Variants in MALRD1 observed in about 807,000 individuals in gnomAD.
MALRD1 encodes the protein MAM and LDL receptor class A domain containing 1.
MALRD1 carries 247 observed loss-of-function variants against 242.1 expected under a neutral mutation model. The observed-to-expected ratio is 1.02, with a 90% confidence interval of 0.92 to 1.13. The LOEUF (loss-of-function observed/expected upper bound fraction) is 1.13. Among genes scored for constraint, MALRD1 ranks in the 50% most tolerant of loss-of-function variants. MALRD1 has a pLI of 0.00. For synonymous variants in MALRD1, 995 were observed against 866.6 expected, an observed-to-expected ratio of 1.15 and a Z score of -2.60; for missense variants, 2,989 against 2,533.1, an observed-to-expected ratio of 1.18 and a Z score of -3.86.
chr10:19,156,309 T>C (rs1307774007), intron 12 of MALRD1, among the ~76,000 whole-genome samples: 1 of 152,032 alleles, frequency 6.6e-6, no homozygotes, highest in African/African-American at 2.4e-5. Flanking sequence ...TTTTGTTTTT[T>C]TTTTTCTTCC....
chr10:19,445,184 G>GT (rs894515582), intron 28 of MALRD1, among the ~76,000 whole-genome samples: 6 of 152,048 alleles, frequency 3.9e-5, no homozygotes, highest in African/African-American at 1.2e-4. Context: ...TATTTATGCT[G>GT]TTTTTTCTAG....
rs79357357 is a variant in MALRD1, at chr10:19,440,992, C to T, written c.4846-9315C>T. On this transcript the variant is annotated intron_variant, in intron 28 of 39. Coordinates refer to ENST00000454679, the MANE Select transcript of MALRD1 (RefSeq NM_001142308.3). ...AAAAGTGTTCCTTTTTCTCTAGATC[C>T]TCTCCAGCACCTGTTGTTTCCTGAC... Among the ~76,000 whole-genome samples the T allele has an allele frequency of 6.5e-3, 989 of 152,006 alleles. 16 individuals are homozygous for T. Among genetic ancestry groups the T allele is most frequent in the Admixed American group, 0.024 (365 of 15,286 alleles).
At chr10:19,666,975 A>G (rs978684556) in intron 36 of MALRD1, among the ~76,000 whole-genome samples, 2 of 152,068 alleles carry the variant, frequency 1.3e-5, no homozygotes, top group Non-Finnish European at 1.5e-5. Context: ...CAGACACCCT[A>G]GGAGGCCCAG....
At chr10:19,448,771 A>C (rs1835145779) in intron 28 of MALRD1, among the ~76,000 whole-genome samples, 1 of 151,966 alleles carries the variant, frequency 6.6e-6, no homozygotes, top group Non-Finnish European at 1.5e-5. Context: ...AAACAATCAT[A>C]GTTGTTACTT....
rs12254228 is a variant in MALRD1 at position 19,225,799 on chromosome 10, T to G, written c.2991+16119T>G. On this transcript the variant is annotated intron_variant, in intron 18 of 39. Coordinates refer to ENST00000454679, the MANE Select transcript of MALRD1 (RefSeq NM_001142308.3). Reference sequence around the variant, plus strand: ...TACTTTTTATTATCATGTGCAGTACTTAACTACTTGTTTTGACCTCTAAGA... The same window carrying G: ...TACTTTTTATTATCATGTGCAGTACGTAACTACTTGTTTTGACCTCTAAGA... 2.7e-3 allele frequency among the ~76,000 whole-genome samples: 412 copies of G among 152,344 alleles called. 1 individual carries two copies. Among genetic ancestry groups the G allele is most frequent in the African/African-American group, 9.6e-3 (399 of 41,578 alleles).
intron 4 of MALRD1, among the ~76,000 whole-genome samples, chr10:19,103,558 A>AAAAT (rs57586483): frequency 0.062 from 9,187 of 149,214 alleles, 534 homozygotes; most frequent in East Asian, 0.27. Context: ...TCTCAAAAAA[A>AAAAT]AAAAAAATAA....
chr10:19,171,419 A>ATT (rs199557689), intron 13 of MALRD1, among the ~76,000 whole-genome samples: 7,135 of 76,586 alleles, frequency 0.093, 632 homozygotes, highest in Non-Finnish European at 0.11. Flanking sequence ...AACATTTTAT[A>ATT]TTTTATATAC....
chr10:19,602,515 G>A (rs188879338), intron 34 of MALRD1, among the ~76,000 whole-genome samples: 16 of 151,754 alleles, frequency 1.1e-4, no homozygotes, highest in Non-Finnish European at 1.6e-4. Flanking sequence ...TCCCTGCAAA[G>A]GACATGAACT....
At chr10:19,632,686 T>G (rs1564501205) in intron 36 of MALRD1, among the ~76,000 whole-genome samples, 1 of 152,026 alleles carries the variant, frequency 6.6e-6, no homozygotes, top group Non-Finnish European at 1.5e-5. Context: ...AGCTCCACCC[T>G]AACCCCTTTC....
chr10:19,678,787 G>T (rs1165925620), intron 36 of MALRD1, among the ~76,000 whole-genome samples: 1 of 152,104 alleles, frequency 6.6e-6, no homozygotes, highest in Non-Finnish European at 1.5e-5. Flanking sequence ...CTGTGAGTTT[G>T]TCATAAATGG....
At chr10:19,572,945 G>A (rs1321564678) in intron 33 of MALRD1, among the ~76,000 whole-genome samples, 1 of 152,178 alleles carries the variant, frequency 6.6e-6, no homozygotes, top group Non-Finnish European at 1.5e-5. Flanking sequence ...CCACAACTAT[G>A]GAAGCATAAA....
intron 32 of MALRD1, among the ~76,000 whole-genome samples, chr10:19,554,836 T>A (rs1835646057): frequency 2.0e-5 from 3 of 152,192 alleles, no homozygotes; most frequent in African/African-American, 2.4e-5. Context: ...ATTCCATTTC[T>A]TTGCTACTGT....
intron 1 of MALRD1, among the ~76,000 whole-genome samples, chr10:19,065,338 G>A (rs1037995022): frequency 5.5e-5 from 8 of 145,416 alleles, no homozygotes; most frequent in Non-Finnish European, 1.2e-4. Context: ...GAAAGCAAGC[G>A]AGAAAGAAAG....
chr10:19,263,262 G>A (rs548129245), intron 19 of MALRD1, among the ~76,000 whole-genome samples: 2 of 152,182 alleles, frequency 1.3e-5, no homozygotes, highest in South Asian at 2.1e-4. Flanking sequence ...TCCTACCAAC[G>A]GGTATAAGTG....
chr10:19,607,654 A>G (rs1838701472), intron 34 of MALRD1, 123 bp from the exon 35 acceptor site: 5 of 1,263,286 alleles, frequency 4.0e-6, no homozygotes, highest in Non-Finnish European at 4.2e-6. Context: ...GTTCTAAAAT[A>G]TCAGACTAGA....
intron 36 of MALRD1, among the ~76,000 whole-genome samples, chr10:19,638,176 A>G (rs931316857): frequency 6.6e-6 from 1 of 151,888 alleles, no homozygotes; most frequent in Admixed American, 6.6e-5. Context: ...TTTGTCAACA[A>G]AAGGACAGCC....
At chr10:19,594,676 T>A (rs1837989593) in intron 33 of MALRD1, among the ~76,000 whole-genome samples, 1 of 152,152 alleles carries the variant, frequency 6.6e-6, no homozygotes, top group Admixed American at 6.6e-5. Context: ...AAAAAATGTC[T>A]TTTGCAGCAA....
At position 19,719,203 on chromosome 10, in the gene MALRD1, T is replaced by TATACACAC. The variant is rs1489373465; in HGVS notation, c.6315-11500_6315-11499insCACACATA. Among the ~76,000 whole-genome samples, 810 of 98,268 alleles carry TATACACAC rather than the reference T, an allele frequency of 8.2e-3. 31 individuals carry two copies. Among genetic ancestry groups the TATACACAC allele is most frequent in the African/African-American group, 0.041 (791 of 19,398 alleles). The allele number at this position is 98,268 out of a possible 152,430, so 64.5% of individuals were successfully genotyped here. A position where few individuals can be genotyped will look rare whatever the true frequency, so the allele number is the denominator to read the frequency against. On this transcript the variant is annotated intron_variant, in intron 38 of 39. Transcript: ENST00000454679. ...ATATATATATATACATACATATATA[T>TATACACAC]ATATATATACACATACATACATATA...
At chr10:19,147,054 G>A (rs539473097) in intron 11 of MALRD1, among the ~76,000 whole-genome samples, 13 of 151,922 alleles carry the variant, frequency 8.6e-5, no homozygotes, top group African/African-American at 2.7e-4. Context: ...AGAGTGTCTC[G>A]CCATGTTGCC....
Sources: allele counts gnomAD v4.1 joint callset (sites outside exome capture counted in the v4.1 genomes callset), GRCh38; gene constraint gnomAD v4.1.1; transcripts MANE v1.5; gene names NCBI Gene and HGNC (gene_info 2026-07-23, HGNC 2026-07-21).